The following LAMA3 variants were observed in gnomAD, a reference collection of about 807,000 sequenced individuals.
LAMA3 encodes laminin subunit alpha 3, also known as laminin subunit alpha-3.
LAMA3 carries 281 observed loss-of-function variants against 402.0 expected under a neutral mutation model. The observed-to-expected ratio is 0.70, with a 90% CI of 0.63 to 0.77. The LOEUF (loss-of-function observed/expected upper bound fraction) is 0.77. Among genes scored for constraint, LAMA3 ranks in the 30% least tolerant of loss-of-function variants. The probability of loss-of-function intolerance (pLI) is 0.00; values close to 1 mark genes in which losing one functional copy is unlikely to be tolerated. For synonymous variants in LAMA3, 1,431 were observed against 1,558.4 expected, an observed-to-expected ratio of 0.92 and a Z score of 1.93; for missense variants, 3,840 against 4,215.5, an observed-to-expected ratio of 0.91 and a Z score of 2.47.
chr18:23,937,371 CAA>C (rs58274189), intron 67 of LAMA3, among the ~76,000 whole-genome samples: 57 of 92,860 alleles, frequency 6.1e-4, no homozygotes, highest in African/African-American at 2.0e-3. Context: ...TTCTCAAAAG[CAA>C]AAAAAAAAAA....
chr18:23,790,197 A>C (rs2062623413), intron 12 of LAMA3, among the ~76,000 whole-genome samples: 2 of 152,204 alleles, frequency 1.3e-5, no homozygotes, highest in Admixed American at 6.5e-5. Context: ...GACATCAAGA[A>C]GCATGAGGGC....
intron 38 of LAMA3, among the ~76,000 whole-genome samples, chr18:23,875,021 G>A (rs1225686530): frequency 3.3e-5 from 5 of 152,064 alleles, no homozygotes; most frequent in African/African-American, 1.2e-4. Flanking sequence ...GTGCCACCAT[G>A]CCCGGCTAAT....
chr18:23,885,043 G>T (rs1042183656), intron 41 of LAMA3, among the ~76,000 whole-genome samples, 190 bp downstream of exon 41: 1 of 151,960 alleles, frequency 6.6e-6, no homozygotes, highest in African/African-American at 2.4e-5. Context: ...TTCCTGCTTT[G>T]TACGTTTCAG....
At chr18:23,718,720 G>A (rs146921509) in intron 2 of LAMA3, among the ~76,000 whole-genome samples, 2 of 152,330 alleles carry the variant, frequency 1.3e-5, no homozygotes, top group Non-Finnish European at 2.9e-5. Flanking sequence ...GATGTCCACA[G>A]CTCCCTGGTC....
At chr18:23,866,376 A>G (rs1442508718) in intron 36 of LAMA3, among the ~76,000 whole-genome samples, 3 of 152,232 alleles carry the variant, frequency 2.0e-5, no homozygotes, top group African/African-American at 7.2e-5. Context: ...CAAGTCACAC[A>G]CACCTCATCA....
At chr18:23,904,820 AT>A in intron 51 of LAMA3, 126 bp downstream of exon 51, 3 of 1,046,142 alleles carry the variant, frequency 2.9e-6, no homozygotes, top group Non-Finnish European at 4.2e-6. Flanking sequence ...GTTGTATAGA[AT>A]AGAACTTGCC....
Position 23,871,599 on chromosome 18 carries a change from C to T in LAMA3, c.4936C>T (p.Arg1646Cys), listed in dbSNP as rs774755142. 15 of 1,613,862 alleles carry T rather than the reference C, an allele frequency of 9.3e-6. No individual in the cohort carries two copies. The highest frequency in any genetic ancestry group is 3.3e-5 in the Admixed American group (2 of 59,974). The change falls in exon 38 of 75, where the codon CGC becomes TGC. Residue 1646 changes from arginine (R) to cysteine (C), a missense_variant. Physicochemically the swap from Arg to Cys is radical, Grantham distance 180 (BLOSUM62 -3). Coordinates refer to ENST00000313654, the MANE Select transcript of LAMA3 (RefSeq NM_198129.4). ...GGAAGCCTCTGACACAGGAAGTGGG[C>T]GCATAGCACTTGCTGTGGAAATCTG... ...LEEASDTGSGRIALAVEICAC... is the reference protein window; with the variant it reads ...LEEASDTGSGCIALAVEICAC...
In LAMA3 at chr18:23,890,066, T is replaced by C; in HGVS notation, c.5359T>C (p.Cys1787Arg). 1.2e-6 allele frequency: 2 copies of C among 1,614,218 alleles called. No individual in the cohort carries two copies. The highest frequency in any genetic ancestry group is 1.3e-5 in the African/African-American group (1 of 75,068). The change falls in exon 42 of 75, where the codon TGC becomes CGC. Residue 1787 changes from cysteine to arginine, a missense_variant. Cys to Arg is a radical substitution (Grantham distance 180). This residue lies in a region of LAMA3 where 2,109 missense variants were observed against 2,376.0 expected (regional missense o/e 0.89). Transcript: ENST00000313654. Reference protein sequence around the residue: ...PQKFGGSCQPCSCNSNGQLGS... With the variant: ...PQKFGGSCQPRSCNSNGQLGS... ...GAAATTCGGAGGTAGCTGCCAACCATGCAGTTGTAACAGCAATGGCCAGCT... is the reference window on the plus strand; with the variant it reads ...GAAATTCGGAGGTAGCTGCCAACCACGCAGTTGTAACAGCAATGGCCAGCT...
At position 23,842,676 on chromosome 18, in the gene LAMA3, C is replaced by T. The variant is rs372920743; in HGVS notation, c.3529C>T (p.Gln1177Ter). 2.5e-6 allele frequency: 4 copies of T among 1,614,184 alleles called. No individual in the cohort carries two copies. Among genetic ancestry groups the T allele is most frequent in the Non-Finnish European group, 3.4e-6 (4 of 1,180,034 alleles). The stretch of plus-strand genomic sequence containing the variant: ...CCGGGATCAAGTGATTGCCGAAGGC[C>T]AGATTGAGTTTGACATCTCAGAGCC... The part of the protein sequence containing the change: ...GCRDQVIAEG[Q>*]IEFDISEPEV... Residue 1177 changes from glutamine (Q) to a stop codon, truncating the protein, a stop_gained, in exon 29 of 75, where the codon CAG becomes TAG. Transcript: ENST00000313654. LOFTEE classifies it high-confidence loss of function.
intron 41 of LAMA3, among the ~76,000 whole-genome samples, chr18:23,886,620 C>T (rs1424015361): frequency 6.8e-6 from 1 of 148,134 alleles, no homozygotes; most frequent in East Asian, 1.9e-4. Flanking sequence ...CCAGCCTGGG[C>T]AACAGAAAAA....
chr18:23,950,095 G>T lies in LAMA3; in HGVS notation c.9578G>T (p.Gly3193Val). 1 of 1,614,062 alleles carries T rather than the reference G, an allele frequency of 6.2e-7. No individual in the cohort carries two copies. Among genetic ancestry groups the T allele is most frequent in the South Asian group, 1.1e-5 (1 of 91,068 alleles). Residue 3193 changes from glycine to valine, a missense_variant, in exon 72 of 75, where the codon GGG becomes GTG. By Grantham distance (109) the Gly-to-Val change is moderately radical. Coordinates refer to ENST00000313654, the MANE Select transcript of LAMA3 (RefSeq NM_198129.4). Reference protein sequence around the residue: ...VFSIRPRSLTGILIHIGSQPG... With the variant: ...VFSIRPRSLTVILIHIGSQPG... The stretch of plus-strand genomic sequence containing the variant: ...AGCATCCGCCCAAGAAGTCTCACTG[G>T]GATCCTAATACACATCGGAAGTCAG...
chr18:23,780,047 G>A (rs1251126718), intron 11 of LAMA3, among the ~76,000 whole-genome samples: 1 of 152,222 alleles, frequency 6.6e-6, no homozygotes, highest in African/African-American at 2.4e-5. Flanking sequence ...CATTCTGATA[G>A]CTCAGTTTGG....
intron 60 of LAMA3, among the ~76,000 whole-genome samples, chr18:23,919,867 A>G (rs1249270294): frequency 1.3e-5 from 2 of 148,368 alleles, no homozygotes; most frequent in Non-Finnish European, 3.0e-5. Flanking sequence ...GTAGGGGGGA[A>G]TGGACTTTCG....
At chr18:23,848,326 T>A (rs982400881) in intron 32 of LAMA3, among the ~76,000 whole-genome samples, 17 of 151,330 alleles carry the variant, frequency 1.1e-4, no homozygotes, top group African/African-American at 3.9e-4. Context: ...CTCATGCAGA[T>A]GCTGCATTGC....
At chr18:23,722,026 C>A (rs1270908954) in intron 2 of LAMA3, among the ~76,000 whole-genome samples, 1 of 152,248 alleles carries the variant, frequency 6.6e-6, no homozygotes, top group Non-Finnish European at 1.5e-5. Flanking sequence ...GTCCAAGTTT[C>A]TTAACATGTC....
At chr18:23,948,122 A>G (rs1416949611) in intron 70 of LAMA3, among the ~76,000 whole-genome samples, 1 of 151,820 alleles carries the variant, frequency 6.6e-6, no homozygotes, top group African/African-American at 2.4e-5. Flanking sequence ...CCTATTTTCA[A>G]CTCAGAGAAA....
In LAMA3 at chr18:23,815,181, T is replaced by C. The variant is rs1422795591; in HGVS notation, c.1889-7T>C. ...CTTAGTTCAAGGATGCTCTCTTATC[T>C]CCACAGAATGCAAGTGCCATAAGGC... On this transcript the variant is annotated splice_region_variant and splice_polypyrimidine_tract_variant and intron_variant, in intron 15 of 74. Coordinates refer to ENST00000313654, the MANE Select transcript of LAMA3 (RefSeq NM_198129.4). 6.2e-7 allele frequency: 1 copy of C among 1,613,710 alleles called. No homozygotes were observed. Among genetic ancestry groups the C allele is most frequent in the Non-Finnish European group, 8.5e-7 (1 of 1,179,744 alleles).
chr18:23,900,530 C>T (rs1249997542), intron 47 of LAMA3, among the ~76,000 whole-genome samples: 1 of 151,072 alleles, frequency 6.6e-6, no homozygotes, highest in Admixed American at 6.6e-5. Context: ...ATTTGTATTA[C>T]AAAAACAAAA....
chr18:23,946,995 GAAT>G (rs1450864411), intron 70 of LAMA3, among the ~76,000 whole-genome samples: 1 of 152,166 alleles, frequency 6.6e-6, no homozygotes, highest in East Asian at 1.9e-4. Context: ...CTTAATAATG[GAAT>G]ATGTGTTTTA....
Sources: allele counts gnomAD v4.1 joint callset (sites outside exome capture counted in the v4.1 genomes callset), GRCh38; gene constraint gnomAD v4.1.1; regional missense constraint gnomAD v4.1.1; transcripts MANE v1.5; gene names NCBI Gene and HGNC (gene_info 2026-07-23, HGNC 2026-07-21).